CCDC6: variants seen among roughly 807,000 people sequenced by gnomAD.
CCDC6 encodes coiled-coil domain-containing protein 6.
In CCDC6, 20 loss-of-function variants were observed where a neutral mutation model predicts 56.6. The observed-to-expected ratio is 0.35, with a 90% CI of 0.25 to 0.51. The LOEUF (loss-of-function observed/expected upper bound fraction) is 0.51. CCDC6 is among the 20% of genes least tolerant of loss of function. CCDC6 has a pLI of 0.95. For missense variants in CCDC6, 367 were observed against 601.1 expected (o/e 0.61, Z 4.07); for synonymous variants, 241 against 234.4 (o/e 1.03, Z -0.26).
At chr10:59,852,780 T>C in intron 1 of CCDC6, 78 bp from the exon 2 acceptor site, 2 of 1,183,404 alleles carry the variant, frequency 1.7e-6, no homozygotes, top group Non-Finnish European at 2.3e-6. Context: ...TGAAATATAG[T>C]TCTTATTTCC....
At chr10:59,821,366 C>T (rs745525462) in intron 3 of CCDC6, among the ~76,000 whole-genome samples, 2 of 152,184 alleles carry the variant, frequency 1.3e-5, no homozygotes, top group African/African-American at 2.4e-5. Context: ...GTAAAACAAG[C>T]AATGTCTGTG....
chr10:59,795,684 T>A (rs1232511499), intron 7 of CCDC6, among the ~76,000 whole-genome samples: 3 of 142,148 alleles, frequency 2.1e-5, no homozygotes, highest in South Asian at 2.3e-4. Context: ...TGTCCATGTG[T>A]TCTCATTGTT....
At chr10:59,793,141 T>C (rs1406268138) in intron 8 of CCDC6, 30 bp from the exon 9 acceptor site, 1 of 1,594,248 alleles carries the variant, frequency 6.3e-7, no homozygotes, top group Non-Finnish European at 8.6e-7. Context: ...AGCAAGTCAG[T>C]CTAGGTACAG....
At chr10:59,893,678 G>C (rs1055411229) in intron 1 of CCDC6, among the ~76,000 whole-genome samples, 1 of 151,790 alleles carries the variant, frequency 6.6e-6, no homozygotes, top group Non-Finnish European at 1.5e-5. Flanking sequence ...AATGAGCACT[G>C]TTTGATAAAT....
chr10:59,793,431 C>G (rs2070485408), intron 8 of CCDC6, among the ~76,000 whole-genome samples: 1 of 152,182 alleles, frequency 6.6e-6, no homozygotes, highest in African/African-American at 2.4e-5. Context: ...CCAATTCCCT[C>G]TATTGCTTAT....
At chr10:59,831,558 G>A (rs1403499841) in intron 3 of CCDC6, among the ~76,000 whole-genome samples, 2 of 152,168 alleles carry the variant, frequency 1.3e-5, no homozygotes, top group Non-Finnish European at 1.5e-5. Context: ...CTTTAATGAG[G>A]CTTAGCCTAA....
At chr10:59,871,417 G>C (rs1331845250) in intron 1 of CCDC6, among the ~76,000 whole-genome samples, 3 of 146,014 alleles carry the variant, frequency 2.1e-5, no homozygotes, top group African/African-American at 7.7e-5. Context: ...TGTAGGCAAT[G>C]GATTCCCAAA....
chr10:59,882,005 GGGAGAAGGAAAGGAAAGCCGC>G (rs796901918), intron 1 of CCDC6, among the ~76,000 whole-genome samples: 14,845 of 97,004 alleles, frequency 0.15, 1,225 homozygotes, highest in East Asian at 0.21. Context: ...AGGAAAGCTG[GGGAGAAGGAAAGGAAAGCCGC>G]GGGGAGAAGG....
intron 1 of CCDC6, among the ~76,000 whole-genome samples, chr10:59,859,033 T>C (rs1279020261): frequency 3.3e-5 from 5 of 152,160 alleles, no homozygotes; most frequent in African/African-American, 4.8e-5. Flanking sequence ...CAACTCCCTC[T>C]GGGTTAGTTG....
chr10:59,891,850 A>G (rs1437061454), intron 1 of CCDC6, among the ~76,000 whole-genome samples: 1 of 152,196 alleles, frequency 6.6e-6, no homozygotes, highest in Non-Finnish European at 1.5e-5. Flanking sequence ...AAAAGTCAAT[A>G]CAACCAAAAT....
intron 5 of CCDC6, among the ~76,000 whole-genome samples, chr10:59,809,252 A>G (rs756521499): frequency 6.6e-6 from 1 of 152,188 alleles, no homozygotes; most frequent in Admixed American, 6.5e-5. Flanking sequence ...GGTGCTGGAG[A>G]CTACCATGAA....
intron 3 of CCDC6, among the ~76,000 whole-genome samples, chr10:59,816,728 AT>A (rs1250374985): frequency 1.3e-5 from 2 of 152,128 alleles, no homozygotes; most frequent in Non-Finnish European, 2.9e-5. Flanking sequence ...TATCCGTTCT[AT>A]TTCTGTTCCA....
intron 2 of CCDC6, among the ~76,000 whole-genome samples, chr10:59,835,109 G>C (rs2070870542): frequency 6.6e-6 from 1 of 152,200 alleles, no homozygotes; most frequent in Non-Finnish European, 1.5e-5. Context: ...TAAACTATTT[G>C]CATAGCTTTT....
chr10:59,899,492 G>T (rs928283783), intron 1 of CCDC6, among the ~76,000 whole-genome samples: 1 of 152,212 alleles, frequency 6.6e-6, no homozygotes, highest in Non-Finnish European at 1.5e-5. Context: ...TGACACTTGT[G>T]TCTCTGCAAG....
chr10:59,831,153 A>T (rs2070831718), intron 3 of CCDC6, among the ~76,000 whole-genome samples: 3 of 152,314 alleles, frequency 2.0e-5, no homozygotes, highest in South Asian at 4.1e-4. Flanking sequence ...CTGGTAGGGC[A>T]CGGGGCATGG....
At chr10:59,857,697 C>G (rs1405343280) in intron 1 of CCDC6, among the ~76,000 whole-genome samples, 1 of 151,708 alleles carries the variant, frequency 6.6e-6, no homozygotes, top group Non-Finnish European at 1.5e-5. Context: ...TAAAGAATTA[C>G]TTTTAAGTTA....
At chr10:59,849,735 T>C (rs2071022199) in intron 2 of CCDC6, among the ~76,000 whole-genome samples, 1 of 152,156 alleles carries the variant, frequency 6.6e-6, no homozygotes, top group Non-Finnish European at 1.5e-5. Context: ...GTAGCATGAT[T>C]TCTCTTAGCA....
intron 1 of CCDC6, among the ~76,000 whole-genome samples, chr10:59,887,730 C>T (rs1194405315): frequency 2.0e-5 from 3 of 152,118 alleles, no homozygotes; most frequent in African/African-American, 7.2e-5. Flanking sequence ...ATTTTTGTTG[C>T]TGGGTCAAAT....
chr10:59,891,051 A>G (rs953797565), intron 1 of CCDC6, among the ~76,000 whole-genome samples: 6 of 152,234 alleles, frequency 3.9e-5, no homozygotes, highest in African/African-American at 1.4e-4. Context: ...TTTTAGGACT[A>G]TCAAATAAAA....
Sources: gnomAD v4.1 joint callset for allele counts (sites outside exome capture counted in the v4.1 genomes callset) on GRCh38, gnomAD v4.1.1 for gene constraint, MANE v1.5 for transcripts, NCBI Gene and HGNC (gene_info 2026-07-23, HGNC 2026-07-21) for gene names.